Variants in PTPRT observed in about 807,000 individuals in gnomAD.
PTPRT encodes protein tyrosine phosphatase receptor type T.
In PTPRT, 56 loss-of-function variants were observed where a neutral mutation model predicts 176.8. The observed-to-expected ratio is 0.32, with a 90% CI of 0.26 to 0.40. The LOEUF is 0.40. Ranked by LOEUF, PTPRT falls within the 10% of genes least tolerant of loss-of-function variation. The probability of loss-of-function intolerance (pLI) is 1.00; values close to 1 mark genes in which losing one functional copy is unlikely to be tolerated. For synonymous variants in PTPRT, 783 were observed against 739.0 expected, an observed-to-expected ratio of 1.06 and a Z score of -0.96; for missense variants, 1,540 against 1,908.2, an observed-to-expected ratio of 0.81 and a Z score of 3.60.
chr20:42,906,046 T>TA (rs2079473231), intron 1 of PTPRT, among the ~76,000 whole-genome samples: 1 of 151,686 alleles, frequency 6.6e-6, no homozygotes, highest in Admixed American at 6.6e-5. Context: ...TGCACATACT[T>TA]AAAGTATATA....
At chr20:42,589,432 A>G (rs1015387) in intron 7 of PTPRT, among the ~76,000 whole-genome samples, 13,923 of 152,280 alleles carry the variant, frequency 0.091, 883 homozygotes, top group Non-Finnish European at 0.13. Flanking sequence ...TCATAAACAC[A>G]GCAACTTCCA....
intron 7 of PTPRT, among the ~76,000 whole-genome samples, chr20:42,513,099 A>G (rs1027900579): frequency 4.6e-5 from 7 of 151,992 alleles, no homozygotes; most frequent in Non-Finnish European, 1.0e-4. Flanking sequence ...ACCTCAGGTG[A>G]TCCACCCACC....
At chr20:42,500,997 A>G (rs2071741663) in intron 7 of PTPRT, among the ~76,000 whole-genome samples, 1 of 152,178 alleles carries the variant, frequency 6.6e-6, no homozygotes, top group African/African-American at 2.4e-5. Context: ...CAAGCAGGTC[A>G]TAAATCATAA....
intron 7 of PTPRT, among the ~76,000 whole-genome samples, chr20:42,639,700 G>T (rs149425774): frequency 6.6e-6 from 1 of 151,950 alleles, no homozygotes; most frequent in Non-Finnish European, 1.5e-5. Flanking sequence ...CTGTTATATT[G>T]CTCCTAAATT....
In PTPRT at chr20:42,948,421, C is replaced by T. The variant is rs77590082; in HGVS notation, c.89-62489G>A. On this transcript the variant is annotated intron_variant, in intron 1 of 30. Transcript: ENST00000373187. ...TATCTCAGAGTTGGCTTCTCAGAGC[C>T]TCACCTGCCCCTGGCCTGAGTGAAC... Among the ~76,000 whole-genome samples, 1,039 of 152,310 alleles carry T rather than the reference C, an allele frequency of 6.8e-3. 13 individuals are homozygous for T. Among genetic ancestry groups the T allele is most frequent in the African/African-American group, 0.023 (969 of 41,558 alleles).
At chr20:42,915,201 G>A (rs1198521367) in intron 1 of PTPRT, among the ~76,000 whole-genome samples, 1 of 152,204 alleles carries the variant, frequency 6.6e-6, no homozygotes, top group Admixed American at 6.5e-5. Flanking sequence ...GCCTCTCTGG[G>A]AGCCCCACTG....
chr20:43,189,696 A>G lies in PTPRT; in HGVS notation c.38T>C (p.Leu13Pro). The G allele has an allele frequency of 1.5e-6, 2 of 1,316,852 alleles. No individual in the cohort carries two copies. The highest frequency in any genetic ancestry group is 9.7e-7 in the Non-Finnish European group (1 of 1,033,230). The allele number at this position is 1,316,852 out of a possible 1,614,324, so 81.6% of individuals were successfully genotyped here. A position where few individuals can be genotyped will look rare whatever the true frequency, so the allele number is the denominator to read the frequency against. ...SLAALALSLL[L>P]RLQLPPLPGA... Reference sequence around the variant, plus strand: ...GGGCAGTGGCGGCAGCTGCAGCCTCAGGAGCAGGCTGAGGGCGAGCGCGGC... The same window carrying G: ...GGGCAGTGGCGGCAGCTGCAGCCTCGGGAGCAGGCTGAGGGCGAGCGCGGC... Residue 13 changes from leucine to proline, a missense_variant, in exon 1 of 31, where the codon CTG becomes CCG. Coordinates refer to ENST00000373187, the MANE Select transcript of PTPRT (RefSeq NM_007050.6). The surrounding 1 kb of genome is among the most constrained non-coding windows in gnomAD (Gnocchi z 5.0).
chr20:42,354,708 G>T (rs1185989799), intron 9 of PTPRT, among the ~76,000 whole-genome samples: 1 of 152,174 alleles, frequency 6.6e-6, no homozygotes, highest in Non-Finnish European at 1.5e-5. Flanking sequence ...CTTCCATCAA[G>T]AATGGCCAAA....
chr20:42,743,998 G>A (rs887941306), intron 6 of PTPRT, among the ~76,000 whole-genome samples: 8 of 152,172 alleles, frequency 5.3e-5, no homozygotes, highest in African/African-American at 1.9e-4. Context: ...GGAGTCACTG[G>A]GTTGCCGGTA....
At chr20:42,328,576 C>A (rs555631040) in intron 11 of PTPRT, among the ~76,000 whole-genome samples, 3 of 151,916 alleles carry the variant, frequency 2.0e-5, no homozygotes, top group South Asian at 2.1e-4. Flanking sequence ...TAAGTAGATA[C>A]CAAAAAGGCA....
At chr20:43,101,396 C>A (rs570903436) in intron 1 of PTPRT, among the ~76,000 whole-genome samples, 49 of 152,190 alleles carry the variant, frequency 3.2e-4, no homozygotes, top group African/African-American at 1.2e-3. Context: ...GGGTTCAAAT[C>A]CCAGCTCCAC....
intron 7 of PTPRT, among the ~76,000 whole-genome samples, chr20:42,504,893 C>T (rs987626191): frequency 6.6e-6 from 1 of 152,134 alleles, no homozygotes; most frequent in Non-Finnish European, 1.5e-5. Flanking sequence ...AAATATTTTA[C>T]TAGGCTCTGC....
At chr20:42,615,335 A>G (rs2074053842) in intron 7 of PTPRT, among the ~76,000 whole-genome samples, 1 of 137,522 alleles carries the variant, frequency 7.3e-6, no homozygotes, top group African/African-American at 3.2e-5. Flanking sequence ...CCAGTCTATC[A>G]TTGTTGGACA....
intron 9 of PTPRT, among the ~76,000 whole-genome samples, chr20:42,401,272 C>A (rs535374351): frequency 6.6e-6 from 1 of 152,058 alleles, no homozygotes; most frequent in Admixed American, 6.6e-5. Flanking sequence ...CCTCACTCTC[C>A]ACCATCTCTT....
chr20:42,544,224 T>G (rs1358379941), intron 7 of PTPRT, among the ~76,000 whole-genome samples: 1 of 152,234 alleles, frequency 6.6e-6, no homozygotes, highest in African/African-American at 2.4e-5. Context: ...AAAAATCATC[T>G]GTTTAGTCTA....
At chr20:42,096,355 C>T (rs1233384437) in intron 27 of PTPRT, among the ~76,000 whole-genome samples, 1 of 152,118 alleles carries the variant, frequency 6.6e-6, no homozygotes, top group Non-Finnish European at 1.5e-5. Context: ...GTAATCCCAG[C>T]ACTTCAGGAG....
intron 7 of PTPRT, among the ~76,000 whole-genome samples, chr20:42,495,239 G>A (rs1027659273): frequency 6.6e-6 from 1 of 152,184 alleles, no homozygotes; most frequent in Non-Finnish European, 1.5e-5. Flanking sequence ...CACTCTTAAT[G>A]CCATATTTTC....
intron 7 of PTPRT, among the ~76,000 whole-genome samples, chr20:42,657,075 T>C (rs2425507): frequency 0.49 from 75,071 of 151,898 alleles, 19,864 homozygotes; most frequent in Middle Eastern, 0.59. Flanking sequence ...GTTCTTGTGA[T>C]GGTGAGTGAT....
intron 3 of PTPRT, among the ~76,000 whole-genome samples, chr20:42,786,986 T>A (rs958691609): frequency 1.3e-5 from 2 of 152,198 alleles, no homozygotes; most frequent in African/African-American, 4.8e-5. Context: ...CCACCACCTG[T>A]TTTTGCACAT....
Sources: gnomAD v4.1 joint callset for allele counts (sites outside exome capture counted in the v4.1 genomes callset) on GRCh38, gnomAD v4.1.1 for gene constraint, Gnocchi (gnomAD v3.1) non-coding constraint, MANE v1.5 for transcripts, NCBI Gene and HGNC (gene_info 2026-07-23, HGNC 2026-07-21) for gene names.